PCDHGB3: variants seen among roughly 807,000 people sequenced by gnomAD.
PCDHGB3 encodes protocadherin gamma subfamily B, 3.
A neutral mutation model predicts 59.2 loss-of-function variants in PCDHGB3; 40 were observed. The ratio of observed to expected loss-of-function variants is 0.68; its 90% CI spans 0.52 to 0.88. The LOEUF (loss-of-function observed/expected upper bound fraction) is 0.88. Ranked by LOEUF, PCDHGB3 falls within the 40% of genes least tolerant of loss-of-function variation. PCDHGB3 has a pLI of 0.00. For missense variants in PCDHGB3, 1,309 were observed against 1,187.9 expected, an observed-to-expected ratio of 1.10 and a Z score of -1.50; for synonymous variants, 581 against 503.6, an observed-to-expected ratio of 1.15 and a Z score of -2.06.
intron 1 of PCDHGB3, chr5:141,409,337 A>T: frequency 6.2e-7 from 1 of 1,614,012 alleles, no homozygotes; most frequent in Non-Finnish European, 8.5e-7. Flanking sequence ...TTTCGGAGGA[A>T]ATGGAGAAGT....
chr5:141,390,095 T>C lies in PCDHGB3; in HGVS notation c.2415+17286T>C, dbSNP rs763642761. 3 of 1,613,972 alleles carry C rather than the reference T, an allele frequency of 1.9e-6. No individual in the cohort carries two copies. In the South Asian group the frequency reaches 3.3e-5, roughly 18 times the overall value. ...TCTGTGTTAAATCCGAATCCGTGGT[T>C]CCCCCCAACTACAGCGAGGGGACTT... On this transcript the variant is annotated intron_variant, in intron 1 of 3. Coordinates refer to ENST00000576222, the MANE Select transcript of PCDHGB3 (RefSeq NM_018924.5).
chr5:141,491,118 T>C lies in PCDHGB3; in HGVS notation c.2416-3689T>C, dbSNP rs1421005816. Reference sequence around the variant, plus strand: ...TGTTCCTCGTGTCTACACACACTGGTGAGGTGCGCACAGCCCGGGCCTTAC... The same window carrying C: ...TGTTCCTCGTGTCTACACACACTGGCGAGGTGCGCACAGCCCGGGCCTTAC... On this transcript the variant is annotated intron_variant, in intron 1 of 3. Coordinates refer to ENST00000576222, the MANE Select transcript of PCDHGB3 (RefSeq NM_018924.5). This position sits in a 1 kb window ranked among gnomAD's most constrained non-coding sequence, Gnocchi z 6.9. The C allele has an allele frequency of 1.2e-6, 2 of 1,613,926 alleles. No homozygotes were observed. Among genetic ancestry groups the C allele is most frequent in the African/African-American group, 2.7e-5 (2 of 74,890 alleles).
chr5:141,414,334 A>G, intron 1 of PCDHGB3: 6 of 1,613,782 alleles, frequency 3.7e-6, no homozygotes, highest in Non-Finnish European at 5.1e-6. Flanking sequence ...TGGACAGGTA[A>G]CCTGTTCCAT....
In PCDHGB3 at chr5:141,482,160, T is replaced by C. The variant is rs577572891; in HGVS notation, c.2416-12647T>C. Reference sequence around the variant, plus strand: ...GCATAAAAAGGTCAAGTCAAAGATATGTAAGATTAAGGCTTTACGATGCTC... The same window carrying C: ...GCATAAAAAGGTCAAGTCAAAGATACGTAAGATTAAGGCTTTACGATGCTC... On this transcript the variant is annotated intron_variant, in intron 1 of 3. Coordinates refer to ENST00000576222, the MANE Select transcript of PCDHGB3 (RefSeq NM_018924.5). 1.6e-4 allele frequency among the ~76,000 whole-genome samples: 25 copies of C among 151,966 alleles called. No homozygotes were observed. In the South Asian group the frequency reaches 4.0e-3, roughly 24 times the overall value.
intron 1 of PCDHGB3, chr5:141,415,857 T>G (rs1271614762): frequency 1.7e-6 from 2 of 1,194,900 alleles, no homozygotes; most frequent in Non-Finnish European, 2.2e-6. Flanking sequence ...AACCTTGTAG[T>G]TTATAGTGTT....
chr5:141,402,954 T>C, intron 1 of PCDHGB3: 3 of 1,601,320 alleles, frequency 1.9e-6, no homozygotes, highest in Non-Finnish European at 2.6e-6. Context: ...GAGGCAGCAA[T>C]GGCAGCTCCA....
At position 141,486,694 on chromosome 5, in the gene PCDHGB3, C is replaced by T. The variant is rs1275794121; in HGVS notation, c.2416-8113C>T. ...ATCGAGATGTATCAGCTTCCTCTTTCATCTCTCTGAACCCCCAGACAGGAG... is the reference window on the plus strand; with the variant it reads ...ATCGAGATGTATCAGCTTCCTCTTTTATCTCTCTGAACCCCCAGACAGGAG... On this transcript the variant is annotated intron_variant, in intron 1 of 3. Transcript: ENST00000576222. This position sits in a 1 kb window ranked among gnomAD's most constrained non-coding sequence, Gnocchi z 5.0. 1.2e-6 allele frequency: 2 copies of T among 1,614,168 alleles called. No individual in the cohort carries two copies. Among genetic ancestry groups the T allele is most frequent in the Non-Finnish European group, 1.7e-6 (2 of 1,180,044 alleles).
intron 1 of PCDHGB3, among the ~76,000 whole-genome samples, chr5:141,480,115 G>A (rs1164458958): frequency 6.6e-6 from 1 of 152,110 alleles, no homozygotes; most frequent in African/African-American, 2.4e-5. Flanking sequence ...CATGGTGCCT[G>A]GCATATCATA....
At chr5:141,422,375 T>G (rs2096644332) in intron 1 of PCDHGB3, 3 of 1,570,696 alleles carry the variant, frequency 1.9e-6, no homozygotes, top group Admixed American at 1.9e-5. Flanking sequence ...AATGGTCAAG[T>G]CTCCTGTTTT....
chr5:141,503,528 G>A (rs1411240550), intron 2 of PCDHGB3, among the ~76,000 whole-genome samples: 2 of 151,470 alleles, frequency 1.3e-5, no homozygotes, highest in Non-Finnish European at 2.9e-5. Flanking sequence ...GAACCTGGGA[G>A]GCAGAGGTTG....
intron 1 of PCDHGB3, chr5:141,422,905 G>A: frequency 6.2e-7 from 1 of 1,614,260 alleles, no homozygotes; most frequent in South Asian, 1.1e-5. Flanking sequence ...GAACGACAAT[G>A]CGCCCGAGAT....
chr5:141,420,422 A>C, intron 1 of PCDHGB3: 1 of 1,196,438 alleles, frequency 8.4e-7, no homozygotes, highest in Non-Finnish European at 1.1e-6. Context: ...TATTAAAACA[A>C]AAGTTTAAAT....
intron 1 of PCDHGB3, among the ~76,000 whole-genome samples, chr5:141,454,796 ATTTTTTTTTTTTTT>A (rs61612330): frequency 5.2e-5 from 4 of 77,408 alleles, no homozygotes; most frequent in Non-Finnish European, 9.3e-5. Flanking sequence ...CATGGTTCTA[ATTTTTTTTTTTTTT>A]TTTTTTTTTT....
chr5:141,475,577 T>C (rs2099365697), intron 1 of PCDHGB3, among the ~76,000 whole-genome samples: 1 of 152,228 alleles, frequency 6.6e-6, no homozygotes, highest in Non-Finnish European at 1.5e-5. Context: ...ACAAGCCAGA[T>C]TTGTTGGTGT....
In PCDHGB3 at chr5:141,372,278, G is replaced by T. The variant is rs756938433; in HGVS notation, c.1884G>T (p.Thr628=). The T allele has an allele frequency of 5.6e-6, 9 of 1,613,150 alleles. No individual in the cohort carries two copies. The Admixed American group carries it at 1.5e-4, about 27-fold the overall frequency. The change falls in exon 1 of 4, where the codon ACG becomes ACT. Residue 628 remains threonine (T), a synonymous_variant. Coordinates refer to ENST00000576222, the MANE Select transcript of PCDHGB3 (RefSeq NM_018924.5). ...SLGLRTGEVR[T]ARTLGDREAA... is the part of the protein sequence containing the mutation. ...GCCTGCGCACGGGTGAGGTGCGCAC[G>T]GCGCGTACCTTGGGCGACAGGGAGG...
At chr5:141,418,147 C>T (rs781655205) in intron 1 of PCDHGB3, 3 of 1,614,040 alleles carry the variant, frequency 1.9e-6, no homozygotes, top group Admixed American at 3.3e-5. Flanking sequence ...AGCAAATATG[C>T]AAAGAGAGAA....
At chr5:141,468,783 G>T (rs908838744) in intron 1 of PCDHGB3, among the ~76,000 whole-genome samples, 5 of 151,346 alleles carry the variant, frequency 3.3e-5, no homozygotes, top group East Asian at 2.0e-4. Flanking sequence ...GGAGAATGGC[G>T]TGAACCCGGG....
intron 1 of PCDHGB3, chr5:141,427,962 G>T: frequency 2.5e-6 from 4 of 1,590,100 alleles, no homozygotes; most frequent in Non-Finnish European, 3.4e-6. Flanking sequence ...TGTGCCGCGG[G>T]TGCTGTACCC....
intron 1 of PCDHGB3, among the ~76,000 whole-genome samples, chr5:141,483,208 G>A (rs1195144442): frequency 6.6e-6 from 1 of 152,196 alleles, no homozygotes; most frequent in East Asian, 1.9e-4. Context: ...ATTCCATATA[G>A]ATGACAGTCA....
Sources: gnomAD v4.1 joint callset for allele counts (sites outside exome capture counted in the v4.1 genomes callset) on GRCh38, gnomAD v4.1.1 for gene constraint, Gnocchi (gnomAD v3.1) non-coding constraint, MANE v1.5 for transcripts, NCBI Gene and HGNC (gene_info 2026-07-23, HGNC 2026-07-21) for gene names.